Variants in CNTNAP2 observed in about 807,000 individuals in gnomAD.
CNTNAP2 encodes contactin-associated protein-like 2.
A neutral mutation model predicts 155.2 loss-of-function variants in CNTNAP2; 98 were observed. The observed-to-expected ratio is 0.63, with a 90% CI of 0.54 to 0.75. CNTNAP2 has a LOEUF of 0.75. Ranked by LOEUF, CNTNAP2 falls within the 30% of genes least tolerant of loss-of-function variation. The pLI is 0.00. For synonymous variants in CNTNAP2, 651 were observed against 631.2 expected, an observed-to-expected ratio of 1.03 and a Z score of -0.47; for missense variants, 1,727 against 1,688.1, an observed-to-expected ratio of 1.02 and a Z score of -0.40.
intron 15 of CNTNAP2, among the ~76,000 whole-genome samples, chr7:148,006,783 T>A (rs1801990505): frequency 6.6e-6 from 1 of 151,968 alleles, no homozygotes. Flanking sequence ...ATGGAAGAAA[T>A]CTCTAAATCA....
intron 8 of CNTNAP2, among the ~76,000 whole-genome samples, chr7:147,214,947 G>A (rs1159045665): frequency 6.6e-6 from 1 of 152,098 alleles, no homozygotes. Context: ...TCACAAGGCA[G>A]CAGGAGACAG....
At chr7:147,417,964 C>A (rs1797226728) in intron 10 of CNTNAP2, among the ~76,000 whole-genome samples, 1 of 152,116 alleles carries the variant, frequency 6.6e-6, no homozygotes. Flanking sequence ...TAAGGGAAGT[C>A]AATTAGTAAC....
intron 1 of CNTNAP2, among the ~76,000 whole-genome samples, chr7:146,349,410 A>G (rs1006642550): frequency 3.3e-5 from 5 of 152,244 alleles, no homozygotes; most frequent in Non-Finnish European, 7.3e-5. Context: ...TACTTATGGC[A>G]TAATGAAAAC....
intron 1 of CNTNAP2, among the ~76,000 whole-genome samples, chr7:146,212,473 G>C (rs752939798): frequency 2.6e-5 from 4 of 152,072 alleles, no homozygotes; most frequent in Non-Finnish European, 5.9e-5. Context: ...TCATCTGGAC[G>C]TATAATGATT....
intron 8 of CNTNAP2, among the ~76,000 whole-genome samples, chr7:147,194,988 C>T (rs12703883): frequency 0.48 from 72,336 of 151,952 alleles, 17,876 homozygotes; most frequent in Middle Eastern, 0.63. Flanking sequence ...GTCATGAAGT[C>T]TTTGCCCATG....
At chr7:148,319,466 C>A (rs1314731166) in intron 21 of CNTNAP2, among the ~76,000 whole-genome samples, 3 of 152,184 alleles carry the variant, frequency 2.0e-5, no homozygotes, top group Non-Finnish European at 4.4e-5. Flanking sequence ...TACAATCAGT[C>A]TGCTAGGTCA....
rs542734158 is a variant in CNTNAP2 at position 146,162,664 on chromosome 7, C to A, written c.97+45691C>A. Among the ~76,000 whole-genome samples the A allele has an allele frequency of 1.1e-4, 17 of 152,282 alleles. No homozygotes were observed. The South Asian group carries it at 3.5e-3, about 32-fold the overall frequency. On this transcript the variant is annotated intron_variant, in intron 1 of 23. Coordinates refer to ENST00000361727, the MANE Select transcript of CNTNAP2 (RefSeq NM_014141.6). The stretch of plus-strand genomic sequence containing the variant: ...CAGCAATCCCATTACTGGGTATATA[C>A]CCAAAGTATTATAAATCATGCTGCT...
intron 12 of CNTNAP2, chr7:147,638,672 A>G: frequency 2.8e-6 from 1 of 362,230 alleles, no homozygotes; most frequent in South Asian, 2.3e-5. Flanking sequence ...ATGAGAGCAA[A>G]CACCATGTAG....
intron 1 of CNTNAP2, among the ~76,000 whole-genome samples, chr7:146,206,401 T>C (rs1174235446): frequency 1.3e-5 from 2 of 151,900 alleles, no homozygotes; most frequent in African/African-American, 2.4e-5. Flanking sequence ...TCATGAGTCA[T>C]AGATAATATC....
chr7:147,992,247 AC>A (rs1194422647), intron 15 of CNTNAP2, among the ~76,000 whole-genome samples: 1 of 151,860 alleles, frequency 6.6e-6, no homozygotes, highest in Non-Finnish European at 1.5e-5. Flanking sequence ...GGAGCATGCC[AC>A]CACACCCAGT....
intron 10 of CNTNAP2, among the ~76,000 whole-genome samples, chr7:147,436,610 AAG>A (rs1797551512): frequency 6.6e-6 from 1 of 152,202 alleles, no homozygotes; most frequent in African/African-American, 2.4e-5. Flanking sequence ...ATTGTAACAG[AAG>A]AGAGAGGCTG....
intron 8 of CNTNAP2, among the ~76,000 whole-genome samples, chr7:147,260,871 A>C: frequency 6.6e-6 from 1 of 152,208 alleles, no homozygotes; most frequent in Non-Finnish European, 1.5e-5. Context: ...ATTACTTTAC[A>C]ACTTGCCAAA....
intron 15 of CNTNAP2, among the ~76,000 whole-genome samples, chr7:148,096,539 G>A (rs112031445): frequency 6.6e-6 from 1 of 151,976 alleles, no homozygotes; most frequent in African/African-American, 2.4e-5. Flanking sequence ...AAAAACAGGG[G>A]TGAATATTCA....
chr7:146,324,309 C>T (rs1253212234), intron 1 of CNTNAP2, among the ~76,000 whole-genome samples: 1 of 152,012 alleles, frequency 6.6e-6, no homozygotes, highest in South Asian at 2.1e-4. Flanking sequence ...TAAGGCTTAA[C>T]CTAAGAGGTC....
intron 15 of CNTNAP2, among the ~76,000 whole-genome samples, chr7:148,020,129 A>G (rs1397175668): frequency 2.0e-5 from 3 of 152,190 alleles, no homozygotes; most frequent in African/African-American, 7.2e-5. Flanking sequence ...GCCAAAGGAT[A>G]TTGCTTCACC....
rs149792411 is a variant in CNTNAP2, at chr7:147,406,564, T to C, written c.1670+10784T>C. Among the ~76,000 whole-genome samples the C allele has an allele frequency of 6.8e-3, 1,034 of 152,330 alleles. 24 individuals are homozygous for C. The highest frequency in any genetic ancestry group is 0.049 in the East Asian group (253 of 5,176). ...AGGGCAACAAGCTTAGTTTTTCAGA[T>C]AGCATTGTCTAAAATTCTCATGGCA... On this transcript the variant is annotated intron_variant, in intron 10 of 23. Coordinates refer to ENST00000361727, the MANE Select transcript of CNTNAP2 (RefSeq NM_014141.6).
chr7:148,301,485 G>A (rs1797391553), intron 21 of CNTNAP2, among the ~76,000 whole-genome samples: 2 of 151,946 alleles, frequency 1.3e-5, no homozygotes, highest in Admixed American at 1.3e-4. Flanking sequence ...GCAAGTCTGT[G>A]TGTCTAAACA....
At chr7:146,217,174 C>T (rs1799128029) in intron 1 of CNTNAP2, among the ~76,000 whole-genome samples, 1 of 152,164 alleles carries the variant, frequency 6.6e-6, no homozygotes, top group Admixed American at 6.5e-5. Flanking sequence ...CTCTTACACA[C>T]TGCTATAGAT....
chr7:147,126,799 G>T (rs771469049), intron 6 of CNTNAP2, among the ~76,000 whole-genome samples: 11 of 152,134 alleles, frequency 7.2e-5, no homozygotes, highest in Non-Finnish European at 1.5e-4. Context: ...TAACTAGAAA[G>T]AATAAATGAC....
Sources: gnomAD v4.1 joint callset for allele counts (sites outside exome capture counted in the v4.1 genomes callset) on GRCh38, gnomAD v4.1.1 for gene constraint, MANE v1.5 for transcripts, NCBI Gene and HGNC (gene_info 2026-07-23, HGNC 2026-07-21) for gene names.